JMJD1C: variants seen among roughly 807,000 people sequenced by gnomAD.
The protein encoded by JMJD1C is jumonji domain containing 1C, also known as jumonji domain-containing protein 1C.
A neutral mutation model predicts 245.3 loss-of-function variants in JMJD1C; 31 were observed. The observed-to-expected ratio is 0.13, with a 90% CI of 0.09 to 0.17. The LOEUF is 0.17. JMJD1C is among the 10% of genes least tolerant of loss of function. The probability of loss-of-function intolerance (pLI) is 1.00; values close to 1 mark genes in which losing one functional copy is unlikely to be tolerated. For synonymous variants in JMJD1C, 1,057 were observed against 1,017.4 expected (o/e 1.04, Z -0.74); for missense variants, 2,691 against 3,000.2 (o/e 0.90, Z 2.41).
chr10:63,339,875 G>A (rs1284588660), intron 2 of JMJD1C, among the ~76,000 whole-genome samples: 2 of 152,110 alleles, frequency 1.3e-5, no homozygotes, highest in African/African-American at 4.8e-5. Flanking sequence ...TTTACTCCTT[G>A]ACAACTGTTC....
At chr10:63,255,100 C>T (rs939132765) in intron 3 of JMJD1C, among the ~76,000 whole-genome samples, 3 of 152,140 alleles carry the variant, frequency 2.0e-5, no homozygotes, top group African/African-American at 7.2e-5. Context: ...CCCACCTCGG[C>T]CTCCCAAAGT....
chr10:63,362,805 T>C (rs932686772), intron 2 of JMJD1C, among the ~76,000 whole-genome samples: 1 of 152,158 alleles, frequency 6.6e-6, no homozygotes, highest in Non-Finnish European at 1.5e-5. Flanking sequence ...TATATATAAT[T>C]CCTAAAATAT....
chr10:63,302,282 T>G (rs1860194310), intron 2 of JMJD1C, among the ~76,000 whole-genome samples: 1 of 152,208 alleles, frequency 6.6e-6, no homozygotes, highest in Non-Finnish European at 1.5e-5. Flanking sequence ...GCATGTAGAC[T>G]GGACAATAAG....
At chr10:63,242,212 G>A (rs1851565990) in intron 3 of JMJD1C, among the ~76,000 whole-genome samples, 1 of 152,174 alleles carries the variant, frequency 6.6e-6, no homozygotes, top group African/African-American at 2.4e-5. Context: ...CATTTTCTGT[G>A]CAGTATTCAG....
At chr10:63,500,838 T>A (rs1283486389) in intron 1 of JMJD1C, among the ~76,000 whole-genome samples, 1 of 151,798 alleles carries the variant, frequency 6.6e-6, no homozygotes, top group African/African-American at 2.4e-5. Flanking sequence ...GATGCACAGA[T>A]GGATGGATGG....
chr10:63,179,381 C>T (rs1447660330), intron 22 of JMJD1C, among the ~76,000 whole-genome samples: 1 of 151,288 alleles, frequency 6.6e-6, no homozygotes, highest in Non-Finnish European at 1.5e-5. Flanking sequence ...TGCACTCCAG[C>T]CTGGGCAACA....
At position 63,208,755 on chromosome 10, in the gene JMJD1C, A is replaced by T; in HGVS notation, c.2914T>A (p.Ser972Thr). The change falls in exon 10 of 26, where the codon TCC becomes ACC. Residue 972 changes from serine to threonine, a missense_variant. By Grantham distance (58) the Ser-to-Thr change is moderately conservative. Transcript: ENST00000399262. ...AFMEPLRSVA[S>T]TSAKNDLDLN... is the part of the protein sequence containing the mutation. ...TCCAGGTCATTTTTGGCTGATGTGG[A>T]TGCAACAGACCGTAATGGTTCCATA... The T allele has an allele frequency of 6.2e-7, 1 of 1,613,066 alleles. No homozygotes were observed. The highest frequency in any genetic ancestry group is 8.5e-7 in the Non-Finnish European group (1 of 1,179,686).
rs543867843 is a variant in JMJD1C at position 63,490,569 on chromosome 10, C to T, written n.113+31169G>A. On this transcript the variant is annotated intron_variant and non_coding_transcript_variant, in intron 1 of 3. Coordinates refer to the JMJD1C transcript ENST00000633035. The stretch of plus-strand genomic sequence containing the variant: ...TAGCTGGGACTACAGATACGCGCCA[C>T]CATGCCCAGCTTATTTTTGTATTTT... Among the ~76,000 whole-genome samples the T allele has an allele frequency of 9.9e-5, 15 of 152,156 alleles. No homozygotes were observed. The South Asian group carries it at 1.5e-3, about 15-fold the overall frequency.
At chr10:63,170,751 CTGATA>C (rs1589038463) in intron 24 of JMJD1C, among the ~76,000 whole-genome samples, 1 of 152,130 alleles carries the variant, frequency 6.6e-6, no homozygotes, top group African/African-American at 2.4e-5. Context: ...TGACCCCTAC[CTGATA>C]TATTTTGGAT....
intron 2 of JMJD1C, among the ~76,000 whole-genome samples, chr10:63,293,864 C>A (rs946516514): frequency 6.6e-6 from 1 of 152,086 alleles, no homozygotes; most frequent in Non-Finnish European, 1.5e-5. Context: ...AAGATTAAGC[C>A]AATCACTTTG....
intron 1 of JMJD1C, among the ~76,000 whole-genome samples, chr10:63,491,182 C>T (rs1726476699): frequency 6.6e-6 from 1 of 152,156 alleles, no homozygotes; most frequent in Non-Finnish European, 1.5e-5. Context: ...AGTTATTTTA[C>T]TTAACTTCTC....
intron 3 of JMJD1C, among the ~76,000 whole-genome samples, chr10:63,263,871 G>A (rs1273861466): frequency 1.3e-5 from 2 of 149,956 alleles, no homozygotes; most frequent in Non-Finnish European, 3.0e-5. Context: ...GGCGGAAGTT[G>A]CAGTGAACCA....
intron 3 of JMJD1C, among the ~76,000 whole-genome samples, chr10:63,245,780 C>T (rs1262006332): frequency 2.0e-5 from 3 of 152,082 alleles, no homozygotes; most frequent in Non-Finnish European, 4.4e-5. Context: ...ACCAGCCCGG[C>T]CGGGAACTCC....
intron 11 of JMJD1C, 91 bp from the exon 12 acceptor site, chr10:63,198,818 T>C (rs1157552692): frequency 2.1e-5 from 14 of 652,074 alleles, no homozygotes; most frequent in Non-Finnish European, 3.2e-5. Flanking sequence ...TATGTTTACA[T>C]TGCATTATAA....
intron 1 of JMJD1C, among the ~76,000 whole-genome samples, chr10:63,421,081 T>A (rs1950099984): frequency 6.6e-6 from 1 of 152,142 alleles, no homozygotes; most frequent in South Asian, 2.1e-4. Context: ...ACGCTTGTAA[T>A]CCCAACACAA....
intron 1 of JMJD1C, among the ~76,000 whole-genome samples, chr10:63,453,342 T>G (rs1952191760): frequency 6.6e-6 from 1 of 152,166 alleles, no homozygotes; most frequent in African/African-American, 2.4e-5. Flanking sequence ...TAAGAAAAAT[T>G]TTTTAAAGAA....
intron 8 of JMJD1C, among the ~76,000 whole-genome samples, chr10:63,212,008 T>C (rs1199359046): frequency 2.0e-5 from 3 of 151,882 alleles, no homozygotes; most frequent in African/African-American, 7.3e-5. Context: ...AAGAAGAAGA[T>C]CATGTCACAT....
intron 2 of JMJD1C, among the ~76,000 whole-genome samples, chr10:63,291,448 T>C (rs1858702246): frequency 6.7e-6 from 1 of 149,764 alleles, no homozygotes; most frequent in African/African-American, 2.5e-5. Flanking sequence ...ACCCCGTCTC[T>C]ACTAAAAATA....
chr10:63,423,693 T>C (rs765605856), intron 1 of JMJD1C, among the ~76,000 whole-genome samples: 58 of 152,360 alleles, frequency 3.8e-4, no homozygotes, highest in African/African-American at 1.4e-3. Flanking sequence ...GGTAATTCCA[T>C]GTTTAGCTTT....
Sources: gnomAD v4.1 joint callset for allele counts (sites outside exome capture counted in the v4.1 genomes callset) on GRCh38, gnomAD v4.1.1 for gene constraint, MANE v1.5 for transcripts, NCBI Gene and HGNC (gene_info 2026-07-23, HGNC 2026-07-21) for gene names.